FBN3: variants seen among roughly 807,000 people sequenced by gnomAD.
The protein encoded by FBN3 is fibrillin 3, also known as fibrillin-3.
A neutral mutation model predicts 330.1 loss-of-function variants in FBN3; 234 were observed. The ratio of observed to expected loss-of-function variants is 0.71; its 90% CI spans 0.64 to 0.79. The LOEUF is 0.79. FBN3 is among the 30% of genes least tolerant of loss of function. The pLI, the probability that FBN3 is intolerant of heterozygous loss-of-function variation, is 0.00. For synonymous variants in FBN3, 1,458 were observed against 1,517.3 expected (o/e 0.96, Z 0.91); for missense variants, 3,606 against 3,886.9 (o/e 0.93, Z 1.92).
intron 59 of FBN3, among the ~76,000 whole-genome samples, chr19:8,078,776 G>T (rs1391664698): frequency 1.0e-5 from 1 of 100,468 alleles, no homozygotes; most frequent in Non-Finnish European, 1.9e-5. Flanking sequence ...TTGTTCAAAT[G>T]TTCTCTCTCT....
chr19:8,086,210 G>A lies in FBN3; in HGVS notation c.6870C>T (p.Thr2290=), dbSNP rs533406712. 6.9e-6 allele frequency: 11 copies of A among 1,605,404 alleles called. No individual in the cohort carries two copies. Among genetic ancestry groups the A allele is most frequent in the South Asian group, 6.6e-5 (6 of 90,556 alleles). ...TCCAGCCACACTCACCGTGGCACTC[G>A]GTAAGGGTGGGGCTGGGCTGGAATC... The part of the protein sequence containing the change: ...DEGFQPSPTL[T]ECHDIRQGPC... The change falls in exon 55 of 64, where the codon ACC becomes ACT. Residue 2290 remains threonine, a synonymous_variant. Transcript: ENST00000600128.
At position 8,149,258 on chromosome 19, in the gene FBN3, C is replaced by G. The variant is rs2145086992; in HGVS notation, c.-18+191G>C. 6.6e-6 allele frequency among the ~76,000 whole-genome samples: 1 copy of G among 151,860 alleles called. No homozygotes were observed. Among genetic ancestry groups the G allele is most frequent in the Non-Finnish European group, 1.5e-5 (1 of 67,890 alleles). On this transcript the variant is annotated intron_variant, in intron 1 of 63. Transcript: ENST00000600128. The surrounding 1 kb of genome is among the most constrained non-coding windows in gnomAD (Gnocchi z 5.5). ...CCGGCCGAGCCCCTCCCGCCGGGTCCCCGCGCCCCCACTCCCCACTGCGGC... is the reference window on the plus strand; with the variant it reads ...CCGGCCGAGCCCCTCCCGCCGGGTCGCCGCGCCCCCACTCCCCACTGCGGC...
intron 57 of FBN3, 55 bp from the exon 58 acceptor site, chr19:8,081,535 G>A (rs1030213998): frequency 5.2e-6 from 8 of 1,529,656 alleles, no homozygotes; most frequent in Admixed American, 2.1e-5. Context: ...TTCCCTGGGG[G>A]TGTTCAGGGA....
intron 56 of FBN3, among the ~76,000 whole-genome samples, chr19:8,083,686 C>A (rs960320238): frequency 6.6e-6 from 1 of 151,994 alleles, no homozygotes; most frequent in Non-Finnish European, 1.5e-5. Context: ...GATACACTAG[C>A]CACACACCTA....
chr19:8,135,936 G>GGGGGGGGGGGGGGGGGGGGGGGCC, intron 13 of FBN3, 25 bp downstream of exon 13: 12 of 668,778 alleles, frequency 1.8e-5, no homozygotes, highest in Non-Finnish European at 2.4e-5. Flanking sequence ...GGAAGCCCCT[G>GGGGGGGGGGGGGGGGGGGGGGGCC]CCCACCCGCC....
intron 41 of FBN3, among the ~76,000 whole-genome samples, chr19:8,100,267 G>A (rs2144753021): frequency 6.6e-6 from 1 of 152,056 alleles, no homozygotes; most frequent in Admixed American, 6.6e-5. Context: ...AGTTCCGGAT[G>A]GTGATAGTTG....
At chr19:8,074,837 A>G in intron 61 of FBN3, 1 of 493,950 alleles carries the variant, frequency 2.0e-6, no homozygotes, top group East Asian at 3.4e-5. Context: ...ATCTTTCTCA[A>G]CTGAGTCCTC....
At position 8,125,903 on chromosome 19, in the gene FBN3, C is replaced by G. The variant is rs149673073; in HGVS notation, c.2720G>C (p.Arg907Pro). The change falls in exon 22 of 64, where the codon CGG (arginine) becomes CCG (proline). Residue 907 changes from arginine (R) to proline (P), a missense_variant. By Grantham distance (103) the Arg-to-Pro change is moderately radical. Transcript: ENST00000600128. The part of the protein sequence containing the change: ...PEGLMLDASG[R>P]LCVDVRLEPC... The stretch of plus-strand genomic sequence containing the variant: ...TCGCCTGGACTCACCCACGCACAGC[C>G]GGCCTGAGGCGTCCAGCATCAGGCC... 6.2e-7 allele frequency: 1 copy of G among 1,611,968 alleles called. No individual in the cohort carries two copies. Among genetic ancestry groups the G allele is most frequent in the South Asian group, 1.1e-5 (1 of 90,910 alleles).
intron 47 of FBN3, among the ~76,000 whole-genome samples, chr19:8,091,867 C>T (rs1416560602): frequency 6.6e-6 from 1 of 152,186 alleles, no homozygotes; most frequent in Non-Finnish European, 1.5e-5. Context: ...CTATGGAAAA[C>T]AGTGTGGCGA....
chr19:8,087,866 G>A lies in FBN3; in HGVS notation c.6578C>T (p.Pro2193Leu). The change falls in exon 53 of 64, where the codon CCA becomes CTA. Residue 2193 changes from proline to leucine, a missense_variant. Physicochemically the swap from Pro to Leu is moderately conservative, Grantham distance 98. Transcript: ENST00000600128. ...ATCCTCCCGCAGGGTGTAGCCGGCTGGACAGGTGCACAGGTAGGAGCCCTC... is the reference window on the plus strand; with the variant it reads ...ATCCTCCCGCAGGGTGTAGCCGGCTAGACAGGTGCACAGGTAGGAGCCCTC... ...NTEGSYLCTC[P>L]AGYTLREDGA... The A allele has an allele frequency of 2.5e-6, 4 of 1,614,172 alleles. No individual in the cohort carries two copies. Among genetic ancestry groups the A allele is most frequent in the Non-Finnish European group, 3.4e-6 (4 of 1,180,022 alleles).
chr19:8,104,926 TC>T (rs2082405821), intron 38 of FBN3, among the ~76,000 whole-genome samples: 1 of 116,580 alleles, frequency 8.6e-6, no homozygotes, highest in African/African-American at 3.6e-5. Flanking sequence ...TTCTTTCTTC[TC>T]TTTCTTTCTC....
intron 47 of FBN3, 28 bp from the exon 48 acceptor site, chr19:8,091,618 G>A (rs762120529): frequency 3.1e-6 from 5 of 1,611,626 alleles, no homozygotes; most frequent in South Asian, 2.2e-5. Context: ...TGAGCTGGGT[G>A]GGGGGCAAGT....
rs1331269885 is a variant in FBN3, at chr19:8,126,346, G to T, written c.2556C>A (p.Asp852Glu). ...GGGCAAAGCCCCGGGCACAGGCAGGGTCTGCAACTGGGAGAACAAGAGTGA... is the reference window on the plus strand; with the variant it reads ...GGGCAAAGCCCCGGGCACAGGCAGGTTCTGCAACTGGGAGAACAAGAGTGA... ...WGSPCERCEI[D>E]PACARGFARM... Residue 852 changes from aspartate to glutamate, a missense_variant and splice_region_variant, in exon 21 of 64, where the codon GAC (aspartate) becomes GAA (glutamate). Asp to Glu is a conservative substitution (Grantham distance 45, BLOSUM62 2). Transcript: ENST00000600128. The T allele has an allele frequency of 6.3e-7, 1 of 1,590,394 alleles. No homozygotes were observed.
At chr19:8,082,335 TTC>T (rs938146834) in intron 57 of FBN3, among the ~76,000 whole-genome samples, 1 of 144,918 alleles carries the variant, frequency 6.9e-6, no homozygotes, top group South Asian at 2.1e-4. Context: ...TTCTGTTTCT[TTC>T]TCTTTCTTTT....
chr19:8,090,124 G>T lies in FBN3; in HGVS notation c.6159C>A (p.Cys2053Ter). ...KRPGEGWGDPCELCPQEGSAA... is the reference protein window; with the variant it reads ...KRPGEGWGDP ...CGCTGCCCTCCTGGGGACACAGTTC[G>T]CAGGGGTCTCCCCAGCCCTCCCCAG... The change falls in exon 49 of 64, where the codon TGC (cysteine) becomes TGA (stop). Residue 2053 changes from cysteine to a stop codon, truncating the protein, a stop_gained. Coordinates refer to ENST00000600128, the MANE Select transcript of FBN3 (RefSeq NM_032447.5). LOFTEE classifies it high-confidence loss of function. 6.2e-7 allele frequency: 1 copy of T among 1,613,906 alleles called. No homozygotes were observed. The highest frequency in any genetic ancestry group is 8.5e-7 in the Non-Finnish European group (1 of 1,179,954).
chr19:8,101,537 T>C (rs1189377198), intron 40 of FBN3, among the ~76,000 whole-genome samples: 1 of 152,204 alleles, frequency 6.6e-6, no homozygotes, highest in East Asian at 1.9e-4. Context: ...CTGACCGATG[T>C]TCCCATCAGG....
At chr19:8,107,624 T>G (rs1298948838) in intron 37 of FBN3, among the ~76,000 whole-genome samples, 2 of 142,048 alleles carry the variant, frequency 1.4e-5, no homozygotes, top group South Asian at 2.3e-4. Context: ...AGATGAAGGA[T>G]GGGGAATGAA....
chr19:8,117,305 G>A lies in FBN3; in HGVS notation c.3464-14C>T, dbSNP rs779384105. 2 of 1,611,154 alleles carry A rather than the reference G, an allele frequency of 1.2e-6. No homozygotes were observed. The highest frequency in any genetic ancestry group is 4.5e-5 in the East Asian group (2 of 44,768). On this transcript the variant is annotated splice_polypyrimidine_tract_variant and intron_variant, in intron 27 of 63. Transcript: ENST00000600128. ...ATTCGTTGATGTCTGCAGGATGCAG[G>A]GCAGACAGGGGCTGGGGCTGGGGGG...
rs372292848 is a variant in FBN3 at position 8,066,078 on chromosome 19, G to A, written c.8271C>T (p.Gly2757=). ...QGFFRMHHLR[G]VSSLQLGRRR... ...TCCGCCCCAGCTGCAGGGAGCTGAC[G>A]CCACGGAGGTGATGCATGCGAAAGA... Residue 2757 remains glycine (G), a synonymous_variant, in exon 64 of 64, where the codon GGC becomes GGT. Coordinates refer to ENST00000600128, the MANE Select transcript of FBN3 (RefSeq NM_032447.5). 3.7e-6 allele frequency: 6 copies of A among 1,613,220 alleles called. No individual in the cohort carries two copies. The highest frequency in any genetic ancestry group is 1.3e-5 in the African/African-American group (1 of 74,940).
Sources: gnomAD v4.1 joint callset for allele counts (sites outside exome capture counted in the v4.1 genomes callset) on GRCh38, gnomAD v4.1.1 for gene constraint, Gnocchi (gnomAD v3.1) non-coding constraint, MANE v1.5 for transcripts, NCBI Gene and HGNC (gene_info 2026-07-23, HGNC 2026-07-21) for gene names.